The following CD48 variants were observed in gnomAD, a reference collection of about 807,000 sequenced individuals.
CD48 encodes the protein CD48 antigen.
Under a neutral mutation model 22.0 loss-of-function variants are expected in CD48, and 20 were observed. The observed-to-expected ratio is 0.91, with a 90% CI of 0.64 to 1.32. The LOEUF (loss-of-function observed/expected upper bound fraction) is 1.32. CD48 is among the 40% of genes most tolerant of loss of function. The pLI is 0.00. For synonymous variants in CD48, 110 were observed against 110.1 expected (o/e 1.00, Z 0.01); for missense variants, 307 against 286.5 (o/e 1.07, Z -0.52).
chr1:160,691,017 A>G (rs1262551615), intron 1 of CD48, among the ~76,000 whole-genome samples: 1 of 152,218 alleles, frequency 6.6e-6, no homozygotes, highest in Non-Finnish European at 1.5e-5. Flanking sequence ...GCTTGAAGGC[A>G]GCATGCTCAT....
intron 1 of CD48, among the ~76,000 whole-genome samples, chr1:160,709,185 C>T (rs1373328380): frequency 8.3e-6 from 1 of 120,374 alleles, no homozygotes; most frequent in Non-Finnish European, 1.7e-5. Flanking sequence ...GAGATGATGA[C>T]TTAAGTTTTA....
chr1:160,680,977 C>T (rs543272728), intron 3 of CD48: 32 of 1,429,682 alleles, frequency 2.2e-5, no homozygotes, highest in Admixed American at 1.5e-4. Flanking sequence ...CTCTCCCAAA[C>T]GTCCTTTGCA....
chr1:160,680,928 C>A, intron 3 of CD48: 1 of 1,429,554 alleles, frequency 7.0e-7, no homozygotes, highest in African/African-American at 1.4e-5. Flanking sequence ...TAGGACTATG[C>A]TTTGTTAGAG....
intron 1 of CD48, among the ~76,000 whole-genome samples, chr1:160,695,153 C>A (rs1356624436): frequency 6.6e-6 from 1 of 152,182 alleles, no homozygotes; most frequent in African/African-American, 2.4e-5. Flanking sequence ...TTTACTATAC[C>A]AGCCATAAAT....
Position 160,711,800 on chromosome 1 carries a change from G to T in CD48, c.-37C>A, listed in dbSNP as rs1662960607. On this transcript the variant is annotated 5_prime_UTR_variant, in exon 1 of 4. In the 5' UTR this introduces an upstream ATG that the reference lacks. Coordinates refer to ENST00000368046, the MANE Select transcript of CD48 (RefSeq NM_001778.4). ...GAACTTCCCAGCAACGCAGGAGACA[G>T]TTGAGAGCCTGGCTAGAAAAAGGCC... 2.1e-6 allele frequency: 3 copies of T among 1,458,206 alleles called. No individual in the cohort carries two copies. The highest frequency in any genetic ancestry group is 2.3e-5 in the South Asian group (2 of 88,144). 90.3% of individuals were successfully genotyped at this position (1,458,206 alleles called of 1,614,324 possible). A position where few individuals can be genotyped will look rare whatever the true frequency, so the allele number is the denominator to read the frequency against.
chr1:160,702,557 G>A (rs1571070411), intron 1 of CD48, among the ~76,000 whole-genome samples: 1 of 152,226 alleles, frequency 6.6e-6, no homozygotes, highest in Non-Finnish European at 1.5e-5. Context: ...TTACCTTTGC[G>A]ACAACGTGGG....
At chr1:160,688,166 GC>G (rs1662068507) in intron 1 of CD48, among the ~76,000 whole-genome samples, 1 of 152,174 alleles carries the variant, frequency 6.6e-6, no homozygotes, top group Non-Finnish European at 1.5e-5. Flanking sequence ...GAATTGGCTT[GC>G]CAATCATTAA....
intron 2 of CD48, among the ~76,000 whole-genome samples, chr1:160,683,061 G>A (rs1398658104): frequency 6.6e-6 from 1 of 152,206 alleles, no homozygotes; most frequent in Non-Finnish European, 1.5e-5. Flanking sequence ...GCTGATCTCA[G>A]ATCGCTAAAA....
intron 1 of CD48, among the ~76,000 whole-genome samples, chr1:160,706,554 T>G (rs373993255): frequency 3.3e-5 from 5 of 152,198 alleles, no homozygotes; most frequent in African/African-American, 7.2e-5. Flanking sequence ...TTTGCCTTCT[T>G]AACAATTCCA....
At chr1:160,698,682 A>C (rs1047796464) in intron 1 of CD48, among the ~76,000 whole-genome samples, 3 of 152,120 alleles carry the variant, frequency 2.0e-5, no homozygotes, top group Non-Finnish European at 2.9e-5. Context: ...ATTACACCCC[A>C]AATTTATAAT....
chr1:160,692,422 C>T (rs761593691), intron 1 of CD48, among the ~76,000 whole-genome samples: 12 of 152,140 alleles, frequency 7.9e-5, no homozygotes, highest in African/African-American at 1.7e-4. Flanking sequence ...GTCTAAACCA[C>T]GAGGGCCAAG....
chr1:160,688,441 A>G (rs1662078138), intron 1 of CD48, among the ~76,000 whole-genome samples: 2 of 152,246 alleles, frequency 1.3e-5, no homozygotes, highest in Non-Finnish European at 2.9e-5. Flanking sequence ...GAGTTAATAC[A>G]AGTGTATAGA....
intron 1 of CD48, among the ~76,000 whole-genome samples, chr1:160,708,764 C>G (rs74124271): frequency 0.054 from 8,168 of 151,960 alleles, 372 homozygotes; most frequent in African/African-American, 0.12. Flanking sequence ...TTTTGATGGT[C>G]CTCTCATCAA....
At chr1:160,701,483 G>A (rs1445768870) in intron 1 of CD48, among the ~76,000 whole-genome samples, 1 of 151,984 alleles carries the variant, frequency 6.6e-6, no homozygotes, top group Non-Finnish European at 1.5e-5. Flanking sequence ...AATGGGATCA[G>A]GAGGTATGGC....
chr1:160,684,113 A>G (rs1661904709), intron 2 of CD48: 1 of 152,248 alleles, frequency 6.6e-6, no homozygotes, highest in Non-Finnish European at 1.5e-5. Context: ...CAGTCCACAG[A>G]TTCCTGAAGC....
At chr1:160,685,450 G>T (rs1359017584) in intron 1 of CD48, among the ~76,000 whole-genome samples, 1 of 152,126 alleles carries the variant, frequency 6.6e-6, no homozygotes, top group African/African-American at 2.4e-5. Flanking sequence ...ATTGAGTAAG[G>T]CCAACTGAGG....
At chr1:160,692,866 C>T (rs970717683) in intron 1 of CD48, among the ~76,000 whole-genome samples, 10 of 152,146 alleles carry the variant, frequency 6.6e-5, no homozygotes, top group African/African-American at 2.4e-4. Flanking sequence ...AGTATGGACC[C>T]AACTCCCCTT....
At chr1:160,694,689 A>C (rs1029968864) in intron 1 of CD48, among the ~76,000 whole-genome samples, 1 of 152,172 alleles carries the variant, frequency 6.6e-6, no homozygotes, top group Non-Finnish European at 1.5e-5. Context: ...GGAAAAAATG[A>C]AGATGGCATT....
intron 1 of CD48, among the ~76,000 whole-genome samples, chr1:160,689,690 C>G (rs570716104): frequency 2.6e-3 from 390 of 152,254 alleles, no homozygotes; most frequent in Non-Finnish European, 4.0e-3. Flanking sequence ...CAGCAGAGAT[C>G]TCACCACGTC....
Sources: gnomAD v4.1 joint callset for allele counts (sites outside exome capture counted in the v4.1 genomes callset) on GRCh38, gnomAD v4.1.1 for gene constraint, MANE v1.5 for transcripts, NCBI Gene and HGNC (gene_info 2026-07-23, HGNC 2026-07-21) for gene names.